TASP1: variants seen among roughly 807,000 people sequenced by gnomAD.
TASP1 encodes the protein threonine aspartase 1.
Under a neutral mutation model 56.6 loss-of-function variants are expected in TASP1, and 16 were observed. The observed-to-expected ratio is 0.28, with a 90% CI of 0.19 to 0.43. TASP1 has a LOEUF of 0.43. Among genes scored for constraint, TASP1 ranks in the 20% least tolerant of loss-of-function variants. The pLI, the probability that TASP1 is intolerant of heterozygous loss-of-function variation, is 1.00. For synonymous variants in TASP1, 179 were observed against 184.2 expected (o/e 0.97, Z 0.23); for missense variants, 393 against 511.6 (o/e 0.77, Z 2.24).
the TASP1 span, among the ~76,000 whole-genome samples, chr20:13,353,646 CT>C: frequency 6.6e-6 from 1 of 152,138 alleles, no homozygotes; most frequent in Non-Finnish European, 1.5e-5. Context: ...CCCCCTACTG[CT>C]GCAGCAATAA....
intron 8 of TASP1, among the ~76,000 whole-genome samples, chr20:13,544,561 C>T (rs1007050652): frequency 2.6e-5 from 4 of 152,068 alleles, no homozygotes; most frequent in South Asian, 2.1e-4. Flanking sequence ...ACTAACATAC[C>T]GACTAATAGG....
the TASP1 span, among the ~76,000 whole-genome samples, chr20:13,316,725 T>C: frequency 6.6e-6 from 1 of 151,258 alleles, no homozygotes; most frequent in African/African-American, 2.4e-5. Context: ...CTGACAAAAT[T>C]CAACACCCAT....
At chr20:13,390,602 C>T in intron 13 of TASP1, 150 bp from the exon 14 acceptor site, 1 of 622,116 alleles carries the variant, frequency 1.6e-6, no homozygotes, top group Non-Finnish European at 2.8e-6. Context: ...CACTGGTAAA[C>T]TTTAGTTACT....
intron 11 of TASP1, among the ~76,000 whole-genome samples, chr20:13,456,680 T>G (rs1347383607): frequency 6.6e-6 from 1 of 152,140 alleles, no homozygotes; most frequent in Non-Finnish European, 1.5e-5. Context: ...TTGCAGTCCC[T>G]TCACGTGACA....
intron 8 of TASP1, among the ~76,000 whole-genome samples, chr20:13,535,555 G>T (rs1177859287): frequency 6.6e-6 from 1 of 152,138 alleles, no homozygotes; most frequent in Non-Finnish European, 1.5e-5. Flanking sequence ...CTAGCCAATG[G>T]ATCCACATGG....
the TASP1 span, among the ~76,000 whole-genome samples, chr20:13,355,645 C>T: frequency 7.9e-5 from 12 of 152,338 alleles, no homozygotes; most frequent in African/African-American, 2.9e-4. Context: ...TTCTCCAACA[C>T]TGGTATGTCA....
chr20:13,310,585 G>C, the TASP1 span, among the ~76,000 whole-genome samples: 1 of 152,116 alleles, frequency 6.6e-6, no homozygotes, highest in Non-Finnish European at 1.5e-5. Flanking sequence ...TGCATCAAAG[G>C]AAAAAGGTTC....
intron 6 of TASP1, among the ~76,000 whole-genome samples, chr20:13,576,074 T>C (rs1292641102): frequency 2.6e-5 from 4 of 151,428 alleles, no homozygotes; most frequent in African/African-American, 9.7e-5. Context: ...TGGTGGTGCA[T>C]GCCTGTAATC....
chr20:13,193,556 G>C, the TASP1 span, among the ~76,000 whole-genome samples: 2 of 152,334 alleles, frequency 1.3e-5, no homozygotes, highest in East Asian at 3.9e-4. Context: ...GCATATACTA[G>C]TTAGAAATGC....
the TASP1 span, among the ~76,000 whole-genome samples, chr20:13,141,696 C>T: frequency 4.6e-5 from 7 of 152,274 alleles, no homozygotes; most frequent in East Asian, 1.9e-4. Flanking sequence ...CTGGAGAGAC[C>T]GAAAGAGGCT....
intron 9 of TASP1, among the ~76,000 whole-genome samples, chr20:13,532,328 T>TA (rs2045253332): frequency 6.6e-6 from 1 of 152,220 alleles, no homozygotes; most frequent in African/African-American, 2.4e-5. Context: ...CAGCACACTT[T>TA]AAAAAATAAT....
the TASP1 span, among the ~76,000 whole-genome samples, chr20:13,240,250 CAAT>C: frequency 6.6e-6 from 1 of 152,146 alleles, no homozygotes; most frequent in African/African-American, 2.4e-5. Context: ...AGAAAACTGA[CAAT>C]AATTGATTCA....
intron 6 of TASP1, among the ~76,000 whole-genome samples, chr20:13,574,733 G>A (rs1381502785): frequency 6.6e-6 from 1 of 152,080 alleles, no homozygotes; most frequent in Non-Finnish European, 1.5e-5. Flanking sequence ...TAGACATTAA[G>A]TGATTAGACA....
chr20:13,495,095 C>T (rs1211632238), intron 10 of TASP1, among the ~76,000 whole-genome samples: 1 of 152,056 alleles, frequency 6.6e-6, no homozygotes, highest in Non-Finnish European at 1.5e-5. Flanking sequence ...AGTTATACTA[C>T]ACCATAAATC....
chr20:13,568,743 A>G (rs1185365233), intron 7 of TASP1, among the ~76,000 whole-genome samples: 1 of 152,196 alleles, frequency 6.6e-6, no homozygotes, highest in Non-Finnish European at 1.5e-5. Flanking sequence ...GGTTCCCAGA[A>G]GCAGAACAAG....
At chr20:13,345,283 G>C in the TASP1 span, among the ~76,000 whole-genome samples, 1 of 152,186 alleles carries the variant, frequency 6.6e-6, no homozygotes, top group African/African-American at 2.4e-5. Context: ...ATCAGAACGT[G>C]GGGAATTTGT....
intron 4 of TASP1, among the ~76,000 whole-genome samples, chr20:13,590,849 GA>G (rs1277345325): frequency 2.0e-5 from 3 of 151,888 alleles, no homozygotes; most frequent in Non-Finnish European, 2.9e-5. Context: ...CTGGGTGACA[GA>G]GCAACACACT....
At chr20:13,274,992 A>G in the TASP1 span, among the ~76,000 whole-genome samples, 1 of 152,194 alleles carries the variant, frequency 6.6e-6, no homozygotes, top group African/African-American at 2.4e-5. Context: ...AACAAGTTAG[A>G]CTTTGGTATC....
intron 10 of TASP1, among the ~76,000 whole-genome samples, chr20:13,495,387 C>T (rs1257790318): frequency 2.0e-5 from 3 of 152,098 alleles, no homozygotes; most frequent in African/African-American, 7.2e-5. Flanking sequence ...ATCTGCTCAC[C>T]AGTCATTGCT....
Sources: gnomAD v4.1 joint callset for allele counts (sites outside exome capture counted in the v4.1 genomes callset) on GRCh38, gnomAD v4.1.1 for gene constraint, MANE v1.5 for transcripts, NCBI Gene and HGNC (gene_info 2026-07-23, HGNC 2026-07-21) for gene names.